SEPTIN7: variants seen among roughly 807,000 people sequenced by gnomAD.
SEPTIN7 encodes septin 7, also known as septin-7.
Under a neutral mutation model 63.3 loss-of-function variants are expected in SEPTIN7, and 10 were observed. The observed-to-expected ratio is 0.16, with a 90% CI of 0.10 to 0.27. The LOEUF is 0.27. SEPTIN7 is among the 10% of genes least tolerant of loss of function. SEPTIN7 has a pLI of 1.00. For missense variants in SEPTIN7, 310 were observed against 521.0 expected, an observed-to-expected ratio of 0.59 and a Z score of 3.94; for synonymous variants, 131 against 165.3, an observed-to-expected ratio of 0.79 and a Z score of 1.59.
At chr7:35,877,347 C>G (rs1411297128) in intron 6 of SEPTIN7, among the ~76,000 whole-genome samples, 1 of 152,190 alleles carries the variant, frequency 6.6e-6, no homozygotes, top group Non-Finnish European at 1.5e-5. Flanking sequence ...CTCTGTCTTT[C>G]TGCCTGTCAG....
rs13239533 is a variant in SEPTIN7, at chr7:35,890,769, A to C, written c.974A>C (p.Asn325Thr). ...GTGACTTATAATGGAGTTGATAACAACAAGAATAAAGGGCAGCTGACTAAG... is the reference window on the plus strand; with the variant it reads ...GTGACTTATAATGGAGTTGATAACACCAAGAATAAAGGGCAGCTGACTAAG... ...AAVTYNGVDN[N>T]KNKGQLTKSP... Residue 325 changes from asparagine to threonine, a missense_variant, in exon 11 of 14, where the codon AAC (asparagine) becomes ACC (threonine). Coordinates refer to ENST00000350320, the MANE Select transcript of SEPTIN7 (RefSeq NM_001788.6). 6.3e-7 allele frequency: 1 copy of C among 1,590,488 alleles called. No homozygotes were observed. The highest frequency in any genetic ancestry group is 8.5e-7 in the Non-Finnish European group (1 of 1,171,866).
At chr7:35,804,993 T>C (rs1231590717) in intron 1 of SEPTIN7, among the ~76,000 whole-genome samples, 2 of 152,086 alleles carry the variant, frequency 1.3e-5, no homozygotes, top group Non-Finnish European at 2.9e-5. Context: ...GGTGCTTGCC[T>C]GCCTCAGCCT....
At position 35,838,264 on chromosome 7, in the gene SEPTIN7, C is replaced by A. The variant is rs1167377758; in HGVS notation, c.169+5364C>A. Among the ~76,000 whole-genome samples, 63 of 10,992 alleles carry A rather than the reference C, an allele frequency of 5.7e-3. 1 individual carries two copies. Among genetic ancestry groups the A allele is most frequent in the African/African-American group, 0.024 (52 of 2,124 alleles). The allele number at this position is 10,992 out of a possible 152,430, so 7.2% of individuals were successfully genotyped here. A position where few individuals can be genotyped will look rare whatever the true frequency, so the allele number is the denominator to read the frequency against. ...TCCTTCCTTCCTTCCTTCCTTCCTT[C>A]CTTCCTTCCTTCCTTCCTTCCTTCC... On this transcript the variant is annotated intron_variant, in intron 3 of 13. Transcript: ENST00000350320.
intron 1 of SEPTIN7, among the ~76,000 whole-genome samples, chr7:35,803,508 T>C (rs1036056603): frequency 1.3e-5 from 2 of 152,330 alleles, no homozygotes; most frequent in East Asian, 3.9e-4. Context: ...TAGAGCAGAT[T>C]AGTTTCAGAC....
At chr7:35,828,887 A>C (rs1783659186) in intron 1 of SEPTIN7, among the ~76,000 whole-genome samples, 1 of 152,088 alleles carries the variant, frequency 6.6e-6, no homozygotes, top group African/African-American at 2.4e-5. Flanking sequence ...TGGCCTCCCA[A>C]AGTTTGGAAT....
At chr7:35,808,968 CTT>C (rs1788530603) in intron 1 of SEPTIN7, among the ~76,000 whole-genome samples, 1 of 152,102 alleles carries the variant, frequency 6.6e-6, no homozygotes, top group South Asian at 2.1e-4. Flanking sequence ...TTTTTGAACT[CTT>C]TGAAGCAGGA....
downstream of SEPTIN7, among the ~76,000 whole-genome samples, chr7:35,911,232 T>G (rs920443848): frequency 6.6e-6 from 1 of 152,220 alleles, no homozygotes; most frequent in Non-Finnish European, 1.5e-5. Flanking sequence ...ACCACTGCTG[T>G]GAGTATTCCT....
chr7:35,821,081 C>G (rs1173552845), intron 1 of SEPTIN7, among the ~76,000 whole-genome samples: 1 of 151,968 alleles, frequency 6.6e-6, no homozygotes, highest in African/African-American at 2.4e-5. Context: ...TTTCCAGTTG[C>G]CACTAGGCTG....
At chr7:35,862,054 C>T (rs867732564) in intron 3 of SEPTIN7, among the ~76,000 whole-genome samples, 2 of 151,916 alleles carry the variant, frequency 1.3e-5, no homozygotes, top group Admixed American at 1.3e-4. Context: ...TTTAGTTTGC[C>T]GTTTTGCTGA....
At chr7:35,836,322 C>T (rs1784082890) in intron 3 of SEPTIN7, among the ~76,000 whole-genome samples, 1 of 152,102 alleles carries the variant, frequency 6.6e-6, no homozygotes, top group African/African-American at 2.4e-5. Context: ...GGAGGCAGAA[C>T]TCAGAAAACT....
intron 6 of SEPTIN7, among the ~76,000 whole-genome samples, chr7:35,874,499 C>T (rs1786351078): frequency 6.6e-6 from 1 of 152,040 alleles, no homozygotes; most frequent in Admixed American, 6.6e-5. Flanking sequence ...GGGTAAGTAA[C>T]TCAGTATATA....
chr7:35,847,776 T>C (rs1268284143), intron 3 of SEPTIN7: 1 of 152,222 alleles, frequency 6.6e-6, no homozygotes, highest in Non-Finnish European at 1.5e-5. Context: ...CACATAATCA[T>C]GGTATGATTC....
chr7:35,815,196 G>C (rs548149759), intron 1 of SEPTIN7: 24 of 429,002 alleles, frequency 5.6e-5, no homozygotes, highest in African/African-American at 4.8e-4. Context: ...CCTAAGCCTT[G>C]GAATCAACCA....
intron 3 of SEPTIN7, among the ~76,000 whole-genome samples, chr7:35,855,082 T>C (rs570676037): frequency 5.9e-5 from 9 of 152,316 alleles, no homozygotes; most frequent in Non-Finnish European, 1.5e-5. Flanking sequence ...TTGGTGCAAG[T>C]CTTTTGGCAT....
rs371698605 is a variant in SEPTIN7 at position 35,865,023 on chromosome 7, AT to A, written c.276+1379del. On this transcript the variant is annotated intron_variant, in intron 4 of 13. Transcript: ENST00000350320. ...TCCTTCTCAATGTTTCTATTTTAGG[AT>A]TTTTTTTTTTTTTGGTAACCTTTAT... Among the ~76,000 whole-genome samples the A allele has an allele frequency of 4.4e-3, 626 of 143,156 alleles. 1 individual carries two copies. The highest frequency in any genetic ancestry group is 7.5e-3 in the Middle Eastern group (2 of 266). 93.9% of individuals were successfully genotyped at this position (143,156 alleles called of 152,430 possible). A position where few individuals can be genotyped will look rare whatever the true frequency, so the allele number is the denominator to read the frequency against.
chr7:35,863,574 G>A lies in SEPTIN7; in HGVS notation c.192G>A (p.Ser64=), dbSNP rs1426492056. 1.9e-6 allele frequency: 3 copies of A among 1,588,320 alleles called. No homozygotes were observed. The highest frequency in any genetic ancestry group is 2.2e-5 in the South Asian group (2 of 90,494). The change falls in exon 4 of 14, where the codon TCG becomes TCA. Residue 64 remains serine, a synonymous_variant. Coordinates refer to ENST00000350320, the MANE Select transcript of SEPTIN7 (RefSeq NM_001788.6). ...MVVGESGLGK[S]TLINSLFLTD... is the part of the protein sequence containing the mutation. ...TAGGTGAATCTGGATTGGGAAAGTC[G>A]ACATTAATCAACTCATTATTCCTCA...
At chr7:35,884,103 G>A (rs760079283) in intron 9 of SEPTIN7, 116 bp downstream of exon 9, 8 of 546,416 alleles carry the variant, frequency 1.5e-5, no homozygotes, top group Non-Finnish European at 2.6e-5. Flanking sequence ...GATTTTCAAG[G>A]ATAATACTGA....
At chr7:35,818,616 G>GGT (rs1044715517) in intron 1 of SEPTIN7, among the ~76,000 whole-genome samples, 2 of 151,606 alleles carry the variant, frequency 1.3e-5, no homozygotes, top group African/African-American at 4.8e-5. Context: ...GCCTTTTTGG[G>GGT]GTGTGTGTGT....
At position 35,842,466 on chromosome 7, in the gene SEPTIN7, G is replaced by T. The variant is rs550190670; in HGVS notation, c.169+9566G>T. 9.9e-5 allele frequency among the ~76,000 whole-genome samples: 15 copies of T among 152,152 alleles called. 1 individual carries two copies. In the South Asian group the frequency reaches 2.9e-3, roughly 29 times the overall value. ...ATAGCCATTTAAAGCAGTGGCTAAG[G>T]TACTGAAGGCTGTGGATCAAATTTT... On this transcript the variant is annotated intron_variant, in intron 3 of 13. Coordinates refer to ENST00000350320, the MANE Select transcript of SEPTIN7 (RefSeq NM_001788.6).
Sources: gnomAD v4.1 joint callset for allele counts (sites outside exome capture counted in the v4.1 genomes callset) on GRCh38, gnomAD v4.1.1 for gene constraint, MANE v1.5 for transcripts, NCBI Gene and HGNC (gene_info 2026-07-23, HGNC 2026-07-21) for gene names.